The following EPC2 variants were observed in gnomAD, a reference collection of about 807,000 sequenced individuals.
EPC2 encodes the protein enhancer of polycomb homolog 2.
In EPC2, 14 loss-of-function variants were observed where a neutral mutation model predicts 92.1. The ratio of observed to expected loss-of-function variants is 0.15; its 90% CI spans 0.10 to 0.24. The LOEUF is 0.24. Ranked by LOEUF, EPC2 falls within the 10% of genes least tolerant of loss-of-function variation. The pLI is 1.00. For synonymous variants in EPC2, 340 were observed against 334.7 expected, an observed-to-expected ratio of 1.02 and a Z score of -0.17; for missense variants, 755 against 971.5, an observed-to-expected ratio of 0.78 and a Z score of 2.96.
intron 1 of EPC2, among the ~76,000 whole-genome samples, chr2:148,664,701 G>A (rs1188345060): frequency 2.0e-5 from 3 of 152,096 alleles, no homozygotes; most frequent in African/African-American, 7.2e-5. Flanking sequence ...TTAGTGGTTT[G>A]CATTCTCTAG....
In EPC2 at chr2:148,645,434, C is replaced by A. The variant is rs549806262; in HGVS notation, c.153+264C>A. The A allele has an allele frequency of 3.7e-5, 15 of 406,398 alleles. No individual in the cohort carries two copies. In the East Asian group the frequency reaches 8.0e-4, roughly 22 times the overall value. The allele number at this position is 406,398 out of a possible 1,614,324, so 25.2% of individuals were successfully genotyped here. A position where few individuals can be genotyped will look rare whatever the true frequency, so the allele number is the denominator to read the frequency against. ...CGTAAGGGGGCCTTGCCGTAAGCGG[C>A]GGCCGGGAATGGCGCAGGGGATGCG... is the stretch of plus-strand genomic sequence containing the variant. On this transcript the variant is annotated intron_variant, in intron 1 of 13. Transcript: ENST00000258484.
chr2:148,702,246 A>G (rs928030719), intron 2 of EPC2, among the ~76,000 whole-genome samples: 1 of 152,226 alleles, frequency 6.6e-6, no homozygotes, highest in African/African-American at 2.4e-5. Context: ...CATTTCAGCA[A>G]CAAAACAGAA....
At chr2:148,734,937 T>C (rs960671602) in intron 2 of EPC2, among the ~76,000 whole-genome samples, 2 of 151,996 alleles carry the variant, frequency 1.3e-5, no homozygotes, top group Non-Finnish European at 2.9e-5. Flanking sequence ...GAAGGACATT[T>C]GAATTGTTTC....
At chr2:148,658,361 A>G (rs1574564610) in intron 1 of EPC2, among the ~76,000 whole-genome samples, 1 of 152,206 alleles carries the variant, frequency 6.6e-6, no homozygotes, top group East Asian at 1.9e-4. Flanking sequence ...TAAAAATGTG[A>G]AAAACATGGT....
At chr2:148,699,082 T>C (rs1389300045) in intron 2 of EPC2, among the ~76,000 whole-genome samples, 2 of 152,186 alleles carry the variant, frequency 1.3e-5, no homozygotes, top group Non-Finnish European at 2.9e-5. Flanking sequence ...TAGACCCAGA[T>C]TATTAGTAAA....
At chr2:148,758,122 A>T (rs1181507558) in intron 4 of EPC2, among the ~76,000 whole-genome samples, 1 of 117,238 alleles carries the variant, frequency 8.5e-6, no homozygotes, top group East Asian at 2.9e-4. Context: ...AAAGTAATGG[A>T]TTCTACCCCA....
Position 148,657,768 on chromosome 2 carries a change from C to T in EPC2, c.153+12598C>T, listed in dbSNP as rs113000677. Among the ~76,000 whole-genome samples, 692 of 152,140 alleles carry T rather than the reference C, an allele frequency of 4.5e-3. 7 individuals carry two copies. The highest frequency in any genetic ancestry group is 0.014 in the African/African-American group (592 of 41,504). On this transcript the variant is annotated intron_variant, in intron 1 of 13. Transcript: ENST00000258484. ...TGTCTAGGTAGAAAAAAGGGATTGG[C>T]GTGTGTGCCCATGATCCATGCCTTT...
chr2:148,769,041 G>A (rs1056282466), intron 7 of EPC2, 110 bp from the exon 8 acceptor site: 1 of 736,332 alleles, frequency 1.4e-6, no homozygotes, highest in Non-Finnish European at 2.3e-6. Flanking sequence ...CTTATGATAT[G>A]TAATATAGAA....
intron 1 of EPC2, among the ~76,000 whole-genome samples, chr2:148,650,321 G>C (rs1680651883): frequency 6.6e-6 from 1 of 152,020 alleles, no homozygotes; most frequent in Non-Finnish European, 1.5e-5. Flanking sequence ...ATTTGATAAA[G>C]TCTTCTTCCA....
intron 1 of EPC2, among the ~76,000 whole-genome samples, chr2:148,679,550 CTT>C (rs1681348687): frequency 1.3e-5 from 2 of 152,152 alleles, no homozygotes. Context: ...AGAACATGGG[CTT>C]AAATCGTTAG....
chr2:148,777,586 G>A (rs114642366), intron 10 of EPC2, among the ~76,000 whole-genome samples: 3,879 of 152,260 alleles, frequency 0.025, 56 homozygotes, highest in East Asian at 0.032. Context: ...GCACAAGCTT[G>A]AGAAGCAGGA....
intron 4 of EPC2, among the ~76,000 whole-genome samples, chr2:148,758,014 A>C (rs1201346926): frequency 1.3e-5 from 2 of 152,154 alleles, no homozygotes; most frequent in African/African-American, 4.8e-5. Context: ...AATATGATTG[A>C]AGAATGTTGG....
intron 3 of EPC2, among the ~76,000 whole-genome samples, chr2:148,753,724 C>G (rs908013790): frequency 6.6e-6 from 1 of 152,266 alleles, no homozygotes; most frequent in Admixed American, 6.5e-5. Flanking sequence ...CTCACTGTCT[C>G]TCAGGGAAAA....
chr2:148,702,616 G>A (rs1255781526), intron 2 of EPC2, among the ~76,000 whole-genome samples: 1 of 152,172 alleles, frequency 6.6e-6, no homozygotes, highest in African/African-American at 2.4e-5. Context: ...CCTGCAGTGA[G>A]AACTGTTATA....
In EPC2 at chr2:148,718,427, G is replaced by A. The variant is rs558587033; in HGVS notation, c.314-25195G>A. 4.6e-5 allele frequency among the ~76,000 whole-genome samples: 7 copies of A among 152,272 alleles called. No homozygotes were observed. The East Asian group carries it at 1.2e-3, about 25-fold the overall frequency. ...TCCTTCAGGAGCTCTTGCAAGGCAGGCCTGATGGTGATGAATTCCCTCAGC... is the reference window on the plus strand; with the variant it reads ...TCCTTCAGGAGCTCTTGCAAGGCAGACCTGATGGTGATGAATTCCCTCAGC... On this transcript the variant is annotated intron_variant, in intron 2 of 13. Coordinates refer to ENST00000258484, the MANE Select transcript of EPC2 (RefSeq NM_015630.4).
At chr2:148,692,906 T>A (rs1388211207) in intron 2 of EPC2, 1 of 152,208 alleles carries the variant, frequency 6.6e-6, no homozygotes, top group Non-Finnish European at 1.5e-5. Flanking sequence ...ATTTTACCTT[T>A]CATTTTTTCT....
At chr2:148,684,851 A>G (rs1351524968) in intron 1 of EPC2, among the ~76,000 whole-genome samples, 1 of 152,248 alleles carries the variant, frequency 6.6e-6, no homozygotes, top group South Asian at 2.1e-4. Flanking sequence ...CTGTGCTTCC[A>G]TAGTCATACA....
rs199930117 is a variant in EPC2 at position 148,771,366 on chromosome 2, A to G, written c.1699A>G (p.Thr567Ala). ...VSAASVALLNTSKNGISVTGG... is the reference protein window; with the variant it reads ...VSAASVALLNASKNGISVTGG... The stretch of plus-strand genomic sequence containing the variant: ...TGCAGCATCTGTAGCTTTATTGAAC[A>G]CCAGCAAGAATGGCATATCAGGTAA... The change falls in exon 10 of 14, where the codon ACC becomes GCC. Residue 567 changes from threonine (T) to alanine (A), a missense_variant. Thr to Ala is a moderately conservative substitution (Grantham distance 58). Transcript: ENST00000258484. 236 of 1,601,136 alleles carry G rather than the reference A, an allele frequency of 1.5e-4. No individual in the cohort carries two copies. The highest frequency in any genetic ancestry group is 1.9e-4 in the Non-Finnish European group (229 of 1,175,246).
At chr2:148,655,978 G>A (rs1293411898) in intron 1 of EPC2, among the ~76,000 whole-genome samples, 3 of 135,576 alleles carry the variant, frequency 2.2e-5, no homozygotes, top group South Asian at 5.0e-4. Context: ...TCACAGACAC[G>A]CTACAGAGGC....
Sources: gnomAD v4.1 joint callset for allele counts (sites outside exome capture counted in the v4.1 genomes callset) on GRCh38, gnomAD v4.1.1 for gene constraint, MANE v1.5 for transcripts, NCBI Gene and HGNC (gene_info 2026-07-23, HGNC 2026-07-21) for gene names.